LRRK2: variants seen among roughly 807,000 people sequenced by gnomAD.
LRRK2 encodes leucine rich repeat kinase 2.
A neutral mutation model predicts 302.6 loss-of-function variants in LRRK2; 203 were observed. The ratio of observed to expected loss-of-function variants is 0.67; its 90% CI spans 0.60 to 0.75. LRRK2 has a LOEUF of 0.75. Among genes scored for constraint, LRRK2 ranks in the 30% least tolerant of loss-of-function variants. LRRK2 has a pLI of 0.00. For synonymous variants in LRRK2, 1,066 were observed against 1,031.9 expected (o/e 1.03, Z -0.63); for missense variants, 2,830 against 2,951.0 (o/e 0.96, Z 0.95).
chr12:40,363,806 C>T (rs1946792620), intron 48 of LRRK2, among the ~76,000 whole-genome samples: 1 of 149,802 alleles, frequency 6.7e-6, no homozygotes, highest in South Asian at 2.1e-4. Flanking sequence ...AATGAAAATA[C>T]TACATTATTG....
intron 7 of LRRK2, among the ~76,000 whole-genome samples, chr12:40,244,024 A>G (rs1428542745): frequency 6.6e-6 from 1 of 152,106 alleles, no homozygotes; most frequent in Non-Finnish European, 1.5e-5. Context: ...ATTGATACAT[A>G]CAAAAATATG....
chr12:40,337,815 C>A (rs191597858), intron 40 of LRRK2, among the ~76,000 whole-genome samples: 75 of 152,318 alleles, frequency 4.9e-4, no homozygotes, highest in African/African-American at 1.6e-3. Flanking sequence ...GCCCCTGCCA[C>A]CCCACTGCCC....
At chr12:40,325,600 A>G (rs1945525394) in intron 38 of LRRK2, among the ~76,000 whole-genome samples, 1 of 152,228 alleles carries the variant, frequency 6.6e-6, no homozygotes, top group Non-Finnish European at 1.5e-5. Context: ...GATGTTGCCA[A>G]AGATAAGGGG....
At chr12:40,261,920 A>G (rs1010528265) in intron 13 of LRRK2, among the ~76,000 whole-genome samples, 2 of 152,186 alleles carry the variant, frequency 1.3e-5, no homozygotes, top group Non-Finnish European at 2.9e-5. Flanking sequence ...CTACTTTATA[A>G]TAACTTGTTA....
chr12:40,265,718 G>A (rs1401417854), intron 14 of LRRK2, among the ~76,000 whole-genome samples: 1 of 152,004 alleles, frequency 6.6e-6, no homozygotes, highest in African/African-American at 2.4e-5. Flanking sequence ...AAATCAAAAT[G>A]TGCATGCTCC....
At chr12:40,353,889 C>G (rs888831018) in intron 44 of LRRK2, among the ~76,000 whole-genome samples, 2 of 152,194 alleles carry the variant, frequency 1.3e-5, no homozygotes, top group African/African-American at 4.8e-5. Context: ...CAGGCTGAGG[C>G]AGGAGAATCA....
rs73108321 is a variant in LRRK2, at chr12:40,259,887, C to A, written c.1543+283C>A. On this transcript the variant is annotated intron_variant, in intron 13 of 50. Coordinates refer to ENST00000298910, the MANE Select transcript of LRRK2 (RefSeq NM_198578.4). ...AGGAGGGTGTTCATCTCTGATAATT[C>A]TTTTCTATTTTTGTTGCCATGACCT... Among the ~76,000 whole-genome samples, 1,817 of 152,118 alleles carry A rather than the reference C, an allele frequency of 0.012. 51 individuals are homozygous for A. The highest frequency in any genetic ancestry group is 0.039 in the African/African-American group (1,611 of 41,516).
At position 40,251,293 on chromosome 12, in the gene LRRK2, T is replaced by C; in HGVS notation, c.1020T>C (p.Asp340=). 1 of 1,612,606 alleles carries C rather than the reference T, an allele frequency of 6.2e-7. No individual in the cohort carries two copies. The highest frequency in any genetic ancestry group is 8.5e-7 in the Non-Finnish European group (1 of 1,178,896). Residue 340 remains aspartate (D), a synonymous_variant, in exon 9 of 51, where the codon GAT becomes GAC. Coordinates refer to ENST00000298910, the MANE Select transcript of LRRK2 (RefSeq NM_198578.4). ...AGAATGAGAATCAAGAGAATGATGA[T>C]GAGGGGGAAGAAGATAAATTGTTTT... ...EEKNENQEND[D]EGEEDKLFWL...
chr12:40,310,574 T>G lies in LRRK2; in HGVS notation c.4461T>G (p.Phe1487Leu), dbSNP rs759517280. ...TCCCTGCCATACGAGATTACCACTT[T>G]GTGAATGCCACCGAGGAATCTGATG... ...RGFPAIRDYH[F>L]VNATEESDAL... Residue 1487 changes from phenylalanine to leucine, a missense_variant, in exon 31 of 51, where the codon TTT (phenylalanine) becomes TTG (leucine). Coordinates refer to ENST00000298910, the MANE Select transcript of LRRK2 (RefSeq NM_198578.4). 6.2e-7 allele frequency: 1 copy of G among 1,612,510 alleles called. No individual in the cohort carries two copies. Among genetic ancestry groups the G allele is most frequent in the Non-Finnish European group, 8.5e-7 (1 of 1,179,630 alleles).
rs956849235 is a variant in LRRK2 at position 40,363,449 on chromosome 12, T to C, written c.7076T>C (p.Val2359Ala). The change falls in exon 48 of 51, where the codon GTA becomes GCA. Residue 2359 changes from valine to alanine, a missense_variant. Val to Ala is a moderately conservative substitution (Grantham distance 64, BLOSUM62 0). Around this residue, in one of 3 missense-constraint regions of LRRK2, gnomAD observed 456 missense variants for 456.3 expected, o/e 1.00. Transcript: ENST00000298910. ...FSDSNIITVV[V>A]DTALYIAKQN... ...GATTCCAACATCATAACAGTGGTGG[T>C]AGACACTGCTCTCTATATTGCTAAG... The C allele has an allele frequency of 1.2e-6, 2 of 1,611,974 alleles. No homozygotes were observed. The highest frequency in any genetic ancestry group is 1.7e-5 in the Admixed American group (1 of 59,800).
chr12:40,249,107 G>A (rs936437030), intron 7 of LRRK2, among the ~76,000 whole-genome samples: 1 of 152,084 alleles, frequency 6.6e-6, no homozygotes, highest in Non-Finnish European at 1.5e-5. Context: ...TAGATGAATA[G>A]GAGTTTCAAT....
At position 40,318,477 on chromosome 12, in the gene LRRK2, C is replaced by A. The variant is rs1856297289; in HGVS notation, c.4828-1511C>A. On this transcript the variant is annotated intron_variant, in intron 33 of 50. Transcript: ENST00000298910. ...TTAGCTCATGTAATTCTCACAGCAACCTTTCCAAATGGTACTTTATTAGCC... is the reference window on the plus strand; with the variant it reads ...TTAGCTCATGTAATTCTCACAGCAAACTTTCCAAATGGTACTTTATTAGCC... 2.0e-5 allele frequency among the ~76,000 whole-genome samples: 3 copies of A among 152,000 alleles called. No homozygotes were observed. The South Asian group carries it at 6.2e-4, about 32-fold the overall frequency.
At chr12:40,289,457 A>G (rs930216180) in intron 20 of LRRK2, among the ~76,000 whole-genome samples, 1 of 150,498 alleles carries the variant, frequency 6.6e-6, no homozygotes, top group African/African-American at 2.4e-5. Context: ...AATTAAGTCC[A>G]TATTTAGATT....
intron 25 of LRRK2, chr12:40,301,104 G>C (rs1232532854): frequency 6.6e-6 from 3 of 456,654 alleles, no homozygotes; most frequent in Non-Finnish European, 1.3e-5. Context: ...AGTTTGAATG[G>C]ACCCCAGTTC....
intron 47 of LRRK2, among the ~76,000 whole-genome samples, chr12:40,360,961 A>G (rs1395473967): frequency 6.6e-6 from 1 of 152,050 alleles, no homozygotes; most frequent in Non-Finnish European, 1.5e-5. Flanking sequence ...GTTTTCCTTC[A>G]CAGTAGCTAT....
Position 40,310,740 on chromosome 12 carries a change from A to T in LRRK2, c.4536+91A>T, listed in dbSNP as rs2136828433. On this transcript the variant is annotated intron_variant, in intron 31 of 50. Transcript: ENST00000298910. Reference sequence around the variant, plus strand: ...TTTTGAGAAGTGAGCAACTCACTTAAAATTGTGGGTTTTCTTTCCTTGTTG... The same window carrying T: ...TTTTGAGAAGTGAGCAACTCACTTATAATTGTGGGTTTTCTTTCCTTGTTG... The T allele has an allele frequency of 1.7e-5, 22 of 1,317,810 alleles. No homozygotes were observed. The South Asian group carries it at 2.4e-4, about 14-fold the overall frequency. The allele number at this position is 1,317,810 out of a possible 1,614,324, so 81.6% of individuals were successfully genotyped here. A position where few individuals can be genotyped will look rare whatever the true frequency, so the allele number is the denominator to read the frequency against.
intron 2 of LRRK2, 80 bp downstream of exon 2, chr12:40,225,720 G>C: frequency 4.7e-6 from 6 of 1,277,840 alleles, no homozygotes; most frequent in Non-Finnish European, 5.6e-6. Context: ...TAATATAGCC[G>C]AGAGTTCTTG....
At chr12:40,363,346 A>G (rs1946773538) in intron 47 of LRRK2, 56 bp from the exon 48 acceptor site, 2 of 1,560,252 alleles carry the variant, frequency 1.3e-6, no homozygotes, top group Non-Finnish European at 1.8e-6. Flanking sequence ...TATTACACGT[A>G]GAAATTTTAA....
chr12:40,252,943 GC>G lies in LRRK2; in HGVS notation c.1216del (p.Leu406Ter). On this transcript the variant is annotated frameshift_variant, in exon 11 of 51. Coordinates refer to ENST00000298910, the MANE Select transcript of LRRK2 (RefSeq NM_198578.4). LOFTEE classifies it high-confidence loss of function. Reference protein sequence around the residue: ...PAHREVMLSMLMHSSSKEVFQ... With the variant: ...PAHREVMLSMXMHSSSKEVFQ... The stretch of plus-strand genomic sequence containing the variant: ...CTCATAGGGAAGTGATGCTCTCCAT[GC>G]TGATGCATTCTTCATCAAAGGAAGT... 1 of 1,613,252 alleles carries G rather than the reference GC, an allele frequency of 6.2e-7. No individual in the cohort carries two copies. The highest frequency in any genetic ancestry group is 8.5e-7 in the Non-Finnish European group (1 of 1,179,440).
Sources: gnomAD v4.1 joint callset for allele counts (sites outside exome capture counted in the v4.1 genomes callset) on GRCh38, gnomAD v4.1.1 for gene constraint, gnomAD v4.1.1 regional missense constraint, MANE v1.5 for transcripts, NCBI Gene and HGNC (gene_info 2026-07-23, HGNC 2026-07-21) for gene names.